CSMD1: variants seen among roughly 807,000 people sequenced by gnomAD.
The protein encoded by CSMD1 is CUB and sushi domain-containing protein 1.
A neutral mutation model predicts 417.5 loss-of-function variants in CSMD1; 213 were observed. The ratio of observed to expected loss-of-function variants is 0.51; its 90% confidence interval spans 0.46 to 0.57. The LOEUF (loss-of-function observed/expected upper bound fraction) is 0.57. CSMD1 is among the 20% of genes least tolerant of loss of function. The pLI is 0.00. For synonymous variants in CSMD1, 2,862 were observed against 1,736.8 expected (o/e 1.65, Z -16.11); for missense variants, 6,923 against 4,529.7 (o/e 1.53, Z -15.17).
chr8:3,171,769 A>G (rs1041808190), intron 37 of CSMD1, among the ~76,000 whole-genome samples: 7 of 152,226 alleles, frequency 4.6e-5, no homozygotes, highest in South Asian at 2.1e-4. Flanking sequence ...ATATACTTCT[A>G]TATCTAGCTC....
chr8:3,864,131 A>T (rs1438861393), intron 5 of CSMD1, among the ~76,000 whole-genome samples: 1 of 152,242 alleles, frequency 6.6e-6, no homozygotes, highest in Non-Finnish European at 1.5e-5. Context: ...TTTAAAAAAA[A>T]ATGTGACCAG....
intron 3 of CSMD1, among the ~76,000 whole-genome samples, chr8:4,138,289 C>A (rs1803561426): frequency 6.7e-6 from 1 of 148,522 alleles, no homozygotes; most frequent in East Asian, 2.0e-4. Flanking sequence ...TGGCAAGATG[C>A]AGGTTTCAGA....
chr8:3,846,287 G>C (rs1219516321), intron 5 of CSMD1, among the ~76,000 whole-genome samples: 1 of 152,156 alleles, frequency 6.6e-6, no homozygotes, highest in Non-Finnish European at 1.5e-5. Context: ...CATGTCAATA[G>C]GTGATAGGAA....
intron 5 of CSMD1, among the ~76,000 whole-genome samples, chr8:3,901,292 T>C (rs1363595333): frequency 1.3e-5 from 2 of 152,222 alleles, no homozygotes; most frequent in Non-Finnish European, 2.9e-5. Context: ...TTTTCCCTTT[T>C]TCTTTCTGCA....
intron 7 of CSMD1, among the ~76,000 whole-genome samples, chr8:3,617,755 A>G (rs138821350): frequency 1.3e-5 from 2 of 152,280 alleles, no homozygotes; most frequent in African/African-American, 4.8e-5. Flanking sequence ...AAATCAACCA[A>G]TTTAGGAGCA....
At chr8:3,272,681 C>G (rs1309245711) in intron 26 of CSMD1, among the ~76,000 whole-genome samples, 2 of 139,234 alleles carry the variant, frequency 1.4e-5, no homozygotes, top group East Asian at 4.3e-4. Context: ...GTATTTTATT[C>G]TCTTCGAAGC....
chr8:4,351,178 A>C (rs1320676521), intron 3 of CSMD1, among the ~76,000 whole-genome samples: 1 of 152,130 alleles, frequency 6.6e-6, no homozygotes, highest in Middle Eastern at 3.2e-3. Flanking sequence ...TTAGGGAAAG[A>C]ACAAATGACT....
chr8:3,798,259 T>C (rs1213508259), intron 5 of CSMD1, among the ~76,000 whole-genome samples: 1 of 152,082 alleles, frequency 6.6e-6, no homozygotes, highest in African/African-American at 2.4e-5. Flanking sequence ...AATGGTACTT[T>C]TTAATAATAT....
chr8:3,176,798 A>G (rs1820964496), intron 37 of CSMD1, among the ~76,000 whole-genome samples: 2 of 137,418 alleles, frequency 1.5e-5, no homozygotes, highest in Admixed American at 7.8e-5. Context: ...TTTTTTCTTG[A>G]GACAGGGTCT....
intron 1 of CSMD1, among the ~76,000 whole-genome samples, chr8:4,723,648 C>T (rs1809211226): frequency 6.6e-6 from 1 of 152,032 alleles, no homozygotes; most frequent in Non-Finnish European, 1.5e-5. Context: ...AATGACCTTA[C>T]ATATGTATCT....
At chr8:3,837,617 C>G (rs1445101604) in intron 5 of CSMD1, among the ~76,000 whole-genome samples, 9 of 152,062 alleles carry the variant, frequency 5.9e-5, no homozygotes, top group African/African-American at 2.4e-5. Context: ...GAAATTCTAG[C>G]GTTTGTGGAA....
chr8:4,251,795 A>C (rs1238175015), intron 3 of CSMD1, among the ~76,000 whole-genome samples: 2 of 151,054 alleles, frequency 1.3e-5, no homozygotes, highest in African/African-American at 2.4e-5. Context: ...ATGGAGGAGG[A>C]AAGATGGAGA....
chr8:3,142,391 T>A, intron 41 of CSMD1, 74 bp downstream of exon 41: 2 of 1,296,360 alleles, frequency 1.5e-6, no homozygotes, highest in South Asian at 2.6e-5. Flanking sequence ...GTTAGGGAGA[T>A]TTATACTTAA....
At chr8:4,695,394 T>A (rs1158434325) in intron 1 of CSMD1, among the ~76,000 whole-genome samples, 1 of 152,228 alleles carries the variant, frequency 6.6e-6, no homozygotes. Context: ...ACACGCATAT[T>A]ACTGAATTTG....
intron 18 of CSMD1, among the ~76,000 whole-genome samples, chr8:3,379,952 A>G (rs10110726): frequency 0.56 from 84,780 of 151,978 alleles, 24,109 homozygotes; most frequent in Middle Eastern, 0.6. Context: ...CAGAGTGAAC[A>G]GGCAACCTAC....
intron 5 of CSMD1, among the ~76,000 whole-genome samples, chr8:3,986,447 C>T (rs548645339): frequency 2.0e-5 from 3 of 152,264 alleles, no homozygotes; most frequent in African/African-American, 7.2e-5. Context: ...TCTGAAATAT[C>T]AGGGTATAGC....
intron 1 of CSMD1, among the ~76,000 whole-genome samples, chr8:4,854,735 C>A (rs138450915): frequency 0.017 from 2,653 of 152,242 alleles, 86 homozygotes; most frequent in African/African-American, 0.061. Context: ...CCACGAGATT[C>A]TATCCCACAC....
chr8:4,560,551 A>G (rs976499378), intron 2 of CSMD1, among the ~76,000 whole-genome samples: 1 of 152,196 alleles, frequency 6.6e-6, no homozygotes, highest in Non-Finnish European at 1.5e-5. Context: ...CTACCTGTAG[A>G]TACAGTGTGA....
At chr8:3,436,426 C>G (rs546403098) in intron 12 of CSMD1, among the ~76,000 whole-genome samples, 2 of 152,212 alleles carry the variant, frequency 1.3e-5, no homozygotes, top group East Asian at 3.9e-4. Context: ...GTCTTTTGCC[C>G]AGTTGCTACT....
Sources: gnomAD v4.1 joint callset for allele counts (sites outside exome capture counted in the v4.1 genomes callset) on GRCh38, gnomAD v4.1.1 for gene constraint, MANE v1.5 for transcripts, NCBI Gene and HGNC (gene_info 2026-07-23, HGNC 2026-07-21) for gene names.